TAF4B: variants seen among roughly 807,000 people sequenced by gnomAD.
TAF4B encodes the protein TATA-box binding protein associated factor 4b, also known as transcription initiation factor TFIID subunit 4B.
TAF4B carries 38 observed loss-of-function variants against 86.4 expected under a neutral mutation model. The ratio of observed to expected loss-of-function variants is 0.44; its 90% CI spans 0.34 to 0.58. TAF4B has a LOEUF of 0.58. Among genes scored for constraint, TAF4B ranks in the 20% least tolerant of loss-of-function variants. TAF4B has a pLI of 0.02. For synonymous variants in TAF4B, 388 were observed against 391.2 expected (o/e 0.99, Z 0.10); for missense variants, 988 against 1,027.6 (o/e 0.96, Z 0.53).
chr18:26,356,962 A>G (rs1170593585), intron 13 of TAF4B, among the ~76,000 whole-genome samples: 2 of 152,158 alleles, frequency 1.3e-5, no homozygotes, highest in Non-Finnish European at 2.9e-5. Context: ...ATTAAGTATG[A>G]CGAAAGCTGT....
intron 1 of TAF4B, chr18:26,256,023 T>G: frequency 7.9e-7 from 1 of 1,265,944 alleles, no homozygotes; most frequent in Non-Finnish European, 1.2e-6. Context: ...TTAAATTCCT[T>G]CTGCAGTTTA....
intron 3 of TAF4B, 26 bp downstream of exon 3, chr18:26,267,649 C>A (rs749647491): frequency 2.0e-6 from 3 of 1,494,364 alleles, no homozygotes; most frequent in African/African-American, 1.4e-5. Context: ...CATTCGTGCA[C>A]TTGTTGTTCT....
intron 5 of TAF4B, among the ~76,000 whole-genome samples, chr18:26,278,151 C>A (rs1320801049): frequency 2.6e-5 from 4 of 152,138 alleles, no homozygotes; most frequent in African/African-American, 9.7e-5. Context: ...CCTTGATCCT[C>A]TGACTTTGAT....
At chr18:26,242,805 G>A (rs1165614814) in intron 1 of TAF4B, among the ~76,000 whole-genome samples, 1 of 152,156 alleles carries the variant, frequency 6.6e-6, no homozygotes, top group Non-Finnish European at 1.5e-5. Flanking sequence ...CTCAGCATTT[G>A]TTTGTCTGTA....
chr18:26,292,851 A>G (rs2056610489), intron 8 of TAF4B, among the ~76,000 whole-genome samples: 1 of 152,174 alleles, frequency 6.6e-6, no homozygotes, highest in East Asian at 1.9e-4. Flanking sequence ...TTTTACATAC[A>G]TAGAAACTTT....
At chr18:26,250,779 AAAG>A (rs1211082546) in intron 1 of TAF4B, among the ~76,000 whole-genome samples, 1 of 152,224 alleles carries the variant, frequency 6.6e-6, no homozygotes, top group Non-Finnish European at 1.5e-5. Flanking sequence ...TGGAAAGTAA[AAAG>A]AAGAAAGTAA....
intron 14 of TAF4B, among the ~76,000 whole-genome samples, chr18:26,370,951 G>A (rs956569713): frequency 2.6e-5 from 4 of 152,172 alleles, no homozygotes; most frequent in African/African-American, 4.8e-5. Context: ...AAATTGGGAT[G>A]CTAGAGTGGA....
intron 3 of TAF4B, among the ~76,000 whole-genome samples, chr18:26,268,654 AC>A (rs1445155653): frequency 6.6e-6 from 1 of 152,022 alleles, no homozygotes; most frequent in Non-Finnish European, 1.5e-5. Flanking sequence ...TGCCACACAT[AC>A]TTCTTTTTGC....
chr18:26,352,387 T>G (rs1371750144), intron 13 of TAF4B, among the ~76,000 whole-genome samples: 3 of 151,664 alleles, frequency 2.0e-5, no homozygotes, highest in Admixed American at 2.0e-4. Context: ...CTTGAGAAAT[T>G]GGAATAGGAA....
chr18:26,379,184 T>C (rs934756850), intron 14 of TAF4B, among the ~76,000 whole-genome samples: 5 of 152,152 alleles, frequency 3.3e-5, no homozygotes, highest in African/African-American at 1.2e-4. Flanking sequence ...GTGGTGACTT[T>C]TGGAGGAGCA....
intron 7 of TAF4B, among the ~76,000 whole-genome samples, chr18:26,289,953 TAAAAC>T (rs1266977408): frequency 6.6e-6 from 1 of 152,132 alleles, no homozygotes; most frequent in African/African-American, 2.4e-5. Flanking sequence ...TATTATAAAA[TAAAAC>T]TGTGTTATAT....
intron 13 of TAF4B, among the ~76,000 whole-genome samples, chr18:26,355,356 C>T (rs1354056877): frequency 6.6e-6 from 1 of 152,182 alleles, no homozygotes; most frequent in Non-Finnish European, 1.5e-5. Context: ...AAGCCTCTAA[C>T]TCAGTGGCCA....
At chr18:26,256,950 A>T (rs2056094384) in intron 1 of TAF4B, among the ~76,000 whole-genome samples, 1 of 151,586 alleles carries the variant, frequency 6.6e-6, no homozygotes, top group African/African-American at 2.4e-5. Flanking sequence ...AACCGTGATT[A>T]CTTTTGCACC....
At chr18:26,340,334 T>TA (rs1355310966) in intron 13 of TAF4B, among the ~76,000 whole-genome samples, 1 of 152,222 alleles carries the variant, frequency 6.6e-6, no homozygotes, top group African/African-American at 2.4e-5. Context: ...TTAAATTATA[T>TA]CAATTTGTAT....
intron 9 of TAF4B, among the ~76,000 whole-genome samples, chr18:26,302,287 T>C (rs1392308567): frequency 6.6e-6 from 1 of 151,874 alleles, no homozygotes; most frequent in Non-Finnish European, 1.5e-5. Context: ...GATTAATACT[T>C]ATGCCTTATT....
chr18:26,315,095 A>ACACT (rs765549230), intron 9 of TAF4B, 134 bp from the exon 10 acceptor site: 6 of 220,336 alleles, frequency 2.7e-5, no homozygotes, highest in South Asian at 1.6e-4. Flanking sequence ...GCTCTCTGAA[A>ACACT]CTCTCTCTCT....
Position 26,286,308 on chromosome 18 carries a change from C to G in TAF4B, c.1399C>G (p.Pro467Ala), listed in dbSNP as rs369220415. Reference sequence around the variant, plus strand: ...TGGAACAGCAGTAACACTGTCCCTTCCAGCAGTAACTTTTGGAGAAACTTC... The same window carrying G: ...TGGAACAGCAGTAACACTGTCCCTTGCAGCAGTAACTTTTGGAGAAACTTC... ...VSGTAVTLSL[P>A]AVTFGETSGA... The change falls in exon 7 of 15, where the codon CCA becomes GCA. Residue 467 changes from proline to alanine, a missense_variant. Coordinates refer to ENST00000269142, the MANE Select transcript of TAF4B (RefSeq NM_005640.3). 3.0e-5 allele frequency: 48 copies of G among 1,614,104 alleles called. No homozygotes were observed. In the African/African-American group the frequency reaches 5.6e-4, roughly 19 times the overall value.
intron 9 of TAF4B, among the ~76,000 whole-genome samples, chr18:26,304,215 G>A (rs2056771724): frequency 6.8e-6 from 1 of 146,524 alleles, no homozygotes; most frequent in Admixed American, 6.8e-5. Context: ...TTGTTTTTGG[G>A]TGTTCATATA....
At chr18:26,316,172 A>G (rs932111665) in intron 10 of TAF4B, among the ~76,000 whole-genome samples, 8 of 152,076 alleles carry the variant, frequency 5.3e-5, no homozygotes, top group Non-Finnish European at 8.8e-5. Context: ...GGCCAGTACT[A>G]ATGAGCTTCA....
Sources: gnomAD v4.1 joint callset for allele counts (sites outside exome capture counted in the v4.1 genomes callset) on GRCh38, gnomAD v4.1.1 for gene constraint, MANE v1.5 for transcripts, NCBI Gene and HGNC (gene_info 2026-07-23, HGNC 2026-07-21) for gene names.